CHRM3: variants seen among roughly 807,000 people sequenced by gnomAD.
CHRM3 encodes muscarinic acetylcholine receptor M3.
Under a neutral mutation model 41.8 loss-of-function variants are expected in CHRM3, and 11 were observed. The observed-to-expected ratio is 0.26, with a 90% CI of 0.17 to 0.44. CHRM3 has a LOEUF of 0.44. Ranked by LOEUF, CHRM3 falls within the 20% of genes least tolerant of loss-of-function variation. CHRM3 has a pLI of 1.00. For missense variants in CHRM3, 571 were observed against 745.4 expected, an observed-to-expected ratio of 0.77 and a Z score of 2.72; for synonymous variants, 297 against 301.4, an observed-to-expected ratio of 0.99 and a Z score of 0.15.
intron 5 of CHRM3, among the ~76,000 whole-genome samples, chr1:239,695,540 C>T (rs1660104404): frequency 6.6e-6 from 1 of 152,070 alleles, no homozygotes; most frequent in African/African-American, 2.4e-5. Flanking sequence ...AACCATCCTC[C>T]TTATTTGTCT....
intron 1 of CHRM3, among the ~76,000 whole-genome samples, chr1:239,462,351 G>T (rs1442405518): frequency 3.3e-5 from 5 of 152,074 alleles, no homozygotes; most frequent in African/African-American, 9.7e-5. Context: ...ACCAGTTTTT[G>T]TTATCCAAAG....
chr1:239,478,077 G>T (rs537269617), intron 1 of CHRM3, among the ~76,000 whole-genome samples: 39 of 152,280 alleles, frequency 2.6e-4, no homozygotes, highest in African/African-American at 9.1e-4. Context: ...AGCAATTAAA[G>T]ATCTCCCACA....
chr1:239,527,123 AC>A (rs1670047262), intron 2 of CHRM3, among the ~76,000 whole-genome samples: 1 of 152,278 alleles, frequency 6.6e-6, no homozygotes, highest in African/African-American at 2.4e-5. Flanking sequence ...GTCTCAAAAA[AC>A]AAAACAAAAA....
intron 6 of CHRM3, among the ~76,000 whole-genome samples, chr1:239,856,542 T>C (rs1433622793): frequency 6.6e-6 from 1 of 152,092 alleles, no homozygotes; most frequent in Non-Finnish European, 1.5e-5. Flanking sequence ...CCGTGCAGCC[T>C]GCAGAATTGT....
At chr1:239,622,786 A>G (rs879351383) in intron 3 of CHRM3, among the ~76,000 whole-genome samples, 5 of 152,216 alleles carry the variant, frequency 3.3e-5, no homozygotes, top group Non-Finnish European at 5.9e-5. Context: ...TAAACTTAGT[A>G]AAGCTGCAGC....
intron 6 of CHRM3, among the ~76,000 whole-genome samples, chr1:239,880,486 A>G (rs959802851): frequency 6.6e-6 from 1 of 152,180 alleles, no homozygotes; most frequent in Non-Finnish European, 1.5e-5. Context: ...AACTTTAGCT[A>G]TGTGGAGGTT....
intron 3 of CHRM3, among the ~76,000 whole-genome samples, chr1:239,561,525 A>G (rs1236481083): frequency 6.6e-6 from 1 of 152,098 alleles, no homozygotes. Context: ...TGACTATGAA[A>G]TGAGCACCCT....
At chr1:239,884,804 G>T (rs1002110383) in intron 6 of CHRM3, among the ~76,000 whole-genome samples, 1 of 152,140 alleles carries the variant, frequency 6.6e-6, no homozygotes, top group Non-Finnish European at 1.5e-5. Flanking sequence ...TAAAAAAGTC[G>T]TAAAGTTTTT....
rs192499173 is a variant in CHRM3, at chr1:239,415,691, A to G, written c.-521+28464A>G. Reference sequence around the variant, plus strand: ...TAAATTTTAATTAGCAAATGAAGCTAGAGCAAGAAGGATATGTGGCTGTTT... The same window carrying G: ...TAAATTTTAATTAGCAAATGAAGCTGGAGCAAGAAGGATATGTGGCTGTTT... On this transcript the variant is annotated intron_variant, in intron 1 of 6. Coordinates refer to ENST00000676153, the MANE Select transcript of CHRM3 (RefSeq NM_001375978.1). Among the ~76,000 whole-genome samples the G allele has an allele frequency of 1.2e-4, 18 of 152,330 alleles. 1 individual carries two copies. Among genetic ancestry groups the G allele is most frequent in the African/African-American group, 3.8e-4 (16 of 41,584 alleles).
At chr1:239,577,533 A>G (rs974098103) in intron 3 of CHRM3, among the ~76,000 whole-genome samples, 17 of 152,178 alleles carry the variant, frequency 1.1e-4, no homozygotes, top group African/African-American at 2.9e-4. Context: ...ATGTTTCACT[A>G]CCATGCACTG....
chr1:239,413,730 G>A (rs1022423040), intron 1 of CHRM3, among the ~76,000 whole-genome samples: 2 of 152,182 alleles, frequency 1.3e-5, no homozygotes, highest in African/African-American at 2.4e-5. Context: ...AAATGGAAAG[G>A]CTCAAGATCA....
chr1:239,530,167 T>A (rs1670299748), intron 2 of CHRM3, among the ~76,000 whole-genome samples: 1 of 152,266 alleles, frequency 6.6e-6, no homozygotes, highest in Non-Finnish European at 1.5e-5. Flanking sequence ...CCTCCCAAAG[T>A]GCTGGGATTA....
chr1:239,642,537 T>G (rs1283895112), intron 4 of CHRM3, among the ~76,000 whole-genome samples: 2 of 152,212 alleles, frequency 1.3e-5, no homozygotes, highest in Non-Finnish European at 2.9e-5. Context: ...CACTGATACC[T>G]CTTCTTCCAG....
chr1:239,459,563 A>G (rs1267185615), intron 1 of CHRM3, among the ~76,000 whole-genome samples: 1 of 152,202 alleles, frequency 6.6e-6, no homozygotes, highest in Non-Finnish European at 1.5e-5. Context: ...ACTGAATGCT[A>G]TACATCTTCA....
chr1:239,824,104 G>A (rs1558155219), intron 5 of CHRM3, among the ~76,000 whole-genome samples: 1 of 152,114 alleles, frequency 6.6e-6, no homozygotes, highest in Non-Finnish European at 1.5e-5. Context: ...TGTCTCGTTG[G>A]TGAGGCCGCA....
At chr1:239,390,638 G>A (rs1483799829) in intron 1 of CHRM3, among the ~76,000 whole-genome samples, 31 of 143,002 alleles carry the variant, frequency 2.2e-4, no homozygotes, top group Non-Finnish European at 3.4e-4. Flanking sequence ...TCACTCTGTC[G>A]CCCAGGTTAG....
At chr1:239,432,444 T>G (rs1227443356) in intron 1 of CHRM3, among the ~76,000 whole-genome samples, 1 of 152,200 alleles carries the variant, frequency 6.6e-6, no homozygotes, top group Non-Finnish European at 1.5e-5. Context: ...TGTCTAATCT[T>G]ACTTAATTAG....
intron 3 of CHRM3, among the ~76,000 whole-genome samples, chr1:239,590,922 A>G (rs1451210566): frequency 1.3e-5 from 2 of 152,208 alleles, no homozygotes; most frequent in Non-Finnish European, 2.9e-5. Context: ...CTCAAATATA[A>G]TCCCATTGTA....
chr1:239,519,270 T>C (rs1572576414), intron 2 of CHRM3, among the ~76,000 whole-genome samples: 2 of 152,158 alleles, frequency 1.3e-5, no homozygotes, highest in South Asian at 4.1e-4. Context: ...TCTAGATAAA[T>C]AAAAATTTAT....
Sources: gnomAD v4.1 joint callset for allele counts (sites outside exome capture counted in the v4.1 genomes callset) on GRCh38, gnomAD v4.1.1 for gene constraint, MANE v1.5 for transcripts, NCBI Gene and HGNC (gene_info 2026-07-23, HGNC 2026-07-21) for gene names.